The following DMD variants were observed in gnomAD, a reference collection of about 807,000 sequenced individuals.
DMD encodes the protein mutant dystrophin.
A neutral mutation model predicts 330.1 loss-of-function variants in DMD; 63 were observed. The ratio of observed to expected loss-of-function variants is 0.19; its 90% CI spans 0.16 to 0.24. The LOEUF (loss-of-function observed/expected upper bound fraction) is 0.24, where lower values mean the gene tolerates loss of function less well. Among genes scored for constraint, DMD ranks in the 10% least tolerant of loss-of-function variants. The pLI is 1.00. For missense variants in DMD, 3,344 were observed against 2,684.1 expected (o/e 1.25, Z -5.43); for synonymous variants, 1,223 against 959.8 (o/e 1.27, Z -5.07).
chrX:32,995,544 T>C (rs2093094534), intron 2 of DMD, among the ~76,000 whole-genome samples: 1 of 112,002 alleles, frequency 8.9e-6, no homozygotes, highest in Non-Finnish European at 1.9e-5. Flanking sequence ...AAGTTAGTAT[T>C]GTAAGTATGA....
chrX:32,876,408 C>T (rs1011012930), intron 2 of DMD, among the ~76,000 whole-genome samples: 1 of 111,909 alleles, frequency 8.9e-6, no homozygotes, highest in African/African-American at 3.3e-5. Flanking sequence ...GTAAGTACTC[C>T]AACCACAGTT....
At chrX:31,393,504 A>C (rs1034691266) in intron 60 of DMD, among the ~76,000 whole-genome samples, 11 of 97,559 alleles carry the variant, frequency 1.1e-4, no homozygotes, top group African/African-American at 1.6e-4. Context: ...AAAAAAAAAA[A>C]CAAACCCAAC....
At chrX:32,830,307 T>C (rs1405674767) in intron 4 of DMD, among the ~76,000 whole-genome samples, 2 of 111,714 alleles carry the variant, frequency 1.8e-5, no homozygotes, top group Non-Finnish European at 3.8e-5. Context: ...TTTTTTTTTC[T>C]AATACACATT....
intron 55 of DMD, among the ~76,000 whole-genome samples, chrX:31,624,169 C>A (rs770129725): frequency 9.0e-6 from 1 of 111,624 alleles, no homozygotes; most frequent in East Asian, 2.8e-4. Flanking sequence ...GAAACTTTCA[C>A]CCCTAAAGGC....
intron 13 of DMD, among the ~76,000 whole-genome samples, chrX:32,590,856 C>T (rs2054828610): frequency 9.0e-6 from 1 of 111,365 alleles, no homozygotes; most frequent in Admixed American, 9.6e-5. Flanking sequence ...CATGGGACTT[C>T]ACCTTGTAAT....
chrX:32,727,863 A>G (rs2067071890), intron 7 of DMD, among the ~76,000 whole-genome samples: 1 of 110,470 alleles, frequency 9.1e-6, no homozygotes, highest in Non-Finnish European at 1.9e-5. Flanking sequence ...ACCACACAAA[A>G]CTCTGATCAC....
chrX:33,208,442 T>C (rs150830383), intron 1 of DMD, among the ~76,000 whole-genome samples: 4,620 of 110,938 alleles, frequency 0.042, 248 homozygotes, highest in African/African-American at 0.15. Flanking sequence ...CAATTTTCTA[T>C]TATTTTTCTT....
At chrX:32,302,653 T>G (rs956674054) in intron 42 of DMD, among the ~76,000 whole-genome samples, 3 of 111,758 alleles carry the variant, frequency 2.7e-5, no homozygotes, top group African/African-American at 9.7e-5. Context: ...AAAGGTAATT[T>G]GTTTTTAGGA....
Position 32,897,289 on chromosome X carries a change from G to T in DMD, c.94-47469C>A, listed in dbSNP as rs559054771. On this transcript the variant is annotated intron_variant, in intron 2 of 78. Transcript: ENST00000357033. ...ACATCACAGGTAATCAGAACAAACA[G>T]GAATAAAAAGAACAAAGAGTAAAGG... Among the ~76,000 whole-genome samples the T allele has an allele frequency of 4.3e-4, 47 of 109,617 alleles. No individual in the cohort carries two copies. In the South Asian group the frequency reaches 0.013, roughly 30 times the overall value.
At chrX:32,419,367 C>T (rs1435256938) in intron 29 of DMD, among the ~76,000 whole-genome samples, 1 of 112,010 alleles carries the variant, frequency 8.9e-6, no homozygotes, top group East Asian at 2.8e-4. Flanking sequence ...AAGGAGGTCT[C>T]ACACTGTGTT....
intron 2 of DMD, among the ~76,000 whole-genome samples, chrX:32,851,678 G>T (rs1359493282): frequency 8.9e-6 from 1 of 112,354 alleles, no homozygotes; most frequent in African/African-American, 3.2e-5. Flanking sequence ...GTTACGAATT[G>T]CCAACACCAC....
In DMD at chrX:31,700,114, C is replaced by T. The variant is rs184626805; in HGVS notation, c.7661-20528G>A. ...GGCAGGAGAATCGCTTGAACCCGGG[C>T]GGCAGAGGTTGCAGTGAGCCGAGAT... On this transcript the variant is annotated intron_variant, in intron 52 of 78. Transcript: ENST00000357033. 6.4e-3 allele frequency among the ~76,000 whole-genome samples: 685 copies of T among 107,469 alleles called. 4 individuals carry two copies. The highest frequency in any genetic ancestry group is 0.019 in the South Asian group (45 of 2,373). The allele number at this position is 107,469 out of a possible 115,157, so 93.3% of individuals were successfully genotyped here.
At chrX:31,610,723 A>G (rs1477349365) in intron 55 of DMD, among the ~76,000 whole-genome samples, 1 of 112,024 alleles carries the variant, frequency 8.9e-6, no homozygotes, top group Non-Finnish European at 1.9e-5. Context: ...TTCAACCTGA[A>G]AAAAGAAATT....
chrX:32,447,351 A>G (rs2098309827), intron 27 of DMD, among the ~76,000 whole-genome samples: 1 of 110,519 alleles, frequency 9.0e-6, no homozygotes, highest in Non-Finnish European at 1.9e-5. Context: ...TGACATATAG[A>G]AGGCACTTTT....
At chrX:32,372,170 A>T (rs973515777) in intron 34 of DMD, among the ~76,000 whole-genome samples, 16 of 111,587 alleles carry the variant, frequency 1.4e-4, no homozygotes, top group African/African-American at 4.9e-4. Context: ...TTAAATGTAA[A>T]TCAGCATTTT....
intron 17 of DMD, among the ~76,000 whole-genome samples, chrX:32,544,135 T>C (rs1467683422): frequency 8.9e-6 from 1 of 112,017 alleles, no homozygotes; most frequent in Non-Finnish European, 1.9e-5. Context: ...CCTGGACTAG[T>C]GGATTTGCTT....
chrX:33,009,183 C>CACATAT (rs1234083380), intron 2 of DMD, among the ~76,000 whole-genome samples: 1 of 28,385 alleles, frequency 3.5e-5, no homozygotes, highest in African/African-American at 1.5e-4. Context: ...TGTATATATA[C>CACATAT]GTATATATGT....
At chrX:31,771,297 G>A (rs1162188299) in intron 51 of DMD, among the ~76,000 whole-genome samples, 1 of 110,062 alleles carries the variant, frequency 9.1e-6, no homozygotes, top group African/African-American at 3.3e-5. Flanking sequence ...TTTAATATAA[G>A]AGGAAGAGGC....
intron 1 of DMD, chrX:33,041,432 C>G (rs1459955321): frequency 4.2e-6 from 5 of 1,199,522 alleles, no homozygotes; most frequent in Non-Finnish European, 4.5e-6. Flanking sequence ...AAGATCAAGA[C>G]CGGTGTGGTG....
Sources: allele counts gnomAD v4.1 joint callset (sites outside exome capture counted in the v4.1 genomes callset), GRCh38; gene constraint gnomAD v4.1.1; transcripts MANE v1.5; gene names NCBI Gene and HGNC (gene_info 2026-07-23, HGNC 2026-07-21).